Variants in ACYP2 observed in about 807,000 individuals in gnomAD.
ACYP2 encodes acylphosphatase-2.
Under a neutral mutation model 11.2 loss-of-function variants are expected in ACYP2, and 12 were observed. That is an observed-to-expected ratio of 1.08 (90% CI 0.69 to 1.74). The LOEUF is 1.74. Ranked by LOEUF, ACYP2 falls within the 40% of genes most tolerant of loss-of-function variation. The pLI, the probability that ACYP2 is intolerant of heterozygous loss-of-function variation, is 0.00. For synonymous variants in ACYP2, 43 were observed against 32.2 expected (o/e 1.33, Z -1.13); for missense variants, 134 against 101.9 (o/e 1.31, Z -1.35).
chr2:53,985,498 A>G (rs1281309741), intron 2 of ACYP2, among the ~76,000 whole-genome samples: 1 of 152,164 alleles, frequency 6.6e-6, no homozygotes, highest in Non-Finnish European at 1.5e-5. Context: ...ACGTATATAC[A>G]TATATGTTCT....
chr2:54,265,260 A>G (rs1687963861), intron 6 of ACYP2, among the ~76,000 whole-genome samples: 1 of 152,196 alleles, frequency 6.6e-6, no homozygotes, highest in Non-Finnish European at 1.5e-5. Flanking sequence ...GAAGGCAAGG[A>G]GGAGCAAGTC....
At chr2:54,185,052 G>C (rs1030343419) in intron 6 of ACYP2, among the ~76,000 whole-genome samples, 3 of 151,970 alleles carry the variant, frequency 2.0e-5, no homozygotes, top group African/African-American at 7.3e-5. Context: ...TCACCATCTT[G>C]GCCAGGCTGA....
At chr2:53,981,711 C>T (rs1216789565) in intron 2 of ACYP2, among the ~76,000 whole-genome samples, 3 of 152,050 alleles carry the variant, frequency 2.0e-5, no homozygotes, top group Non-Finnish European at 4.4e-5. Context: ...TGTGAATCAG[C>T]CTTAGGTTAC....
intron 6 of ACYP2, among the ~76,000 whole-genome samples, chr2:54,301,656 CACACGTGTTTGTATATGTATACATAT>C (rs1174376946): frequency 3.5e-4 from 53 of 152,192 alleles, no homozygotes; most frequent in African/African-American, 1.0e-3. Flanking sequence ...TGTATACATA[CACACGTGTTTGTATATGTATACATAT>C]ACACGTACAT....
At chr2:54,163,024 C>T (rs926973380) in intron 6 of ACYP2, among the ~76,000 whole-genome samples, 7 of 152,110 alleles carry the variant, frequency 4.6e-5, no homozygotes, top group African/African-American at 1.7e-4. Flanking sequence ...CACTTTTGCT[C>T]GTTTTGGATT....
At chr2:54,063,027 C>T (rs1048503788) in intron 4 of ACYP2, among the ~76,000 whole-genome samples, 4 of 152,148 alleles carry the variant, frequency 2.6e-5, no homozygotes, top group African/African-American at 7.2e-5. Flanking sequence ...TCAGGTACTA[C>T]GCTAGTTCCT....
At chr2:54,198,899 A>G (rs6760158) in intron 6 of ACYP2, among the ~76,000 whole-genome samples, 2,101 of 152,300 alleles carry the variant, frequency 0.014, 56 homozygotes, top group African/African-American at 0.047. Context: ...TTCCGTGCCC[A>G]TTCTACCAAC....
At chr2:54,244,820 A>G (rs940266660) in intron 6 of ACYP2, among the ~76,000 whole-genome samples, 1 of 152,204 alleles carries the variant, frequency 6.6e-6, no homozygotes, top group Admixed American at 6.5e-5. Context: ...AATATATACA[A>G]TGCTTAGTGA....
chr2:54,111,494 G>A (rs995882681), intron 4 of ACYP2, among the ~76,000 whole-genome samples: 1 of 89,242 alleles, frequency 1.1e-5, no homozygotes, highest in African/African-American at 6.1e-5. Flanking sequence ...AAGAAAAATT[G>A]GTTCAAACCT....
intron 4 of ACYP2, among the ~76,000 whole-genome samples, chr2:54,109,446 A>C (rs1006724537): frequency 6.6e-6 from 1 of 152,140 alleles, no homozygotes; most frequent in Non-Finnish European, 1.5e-5. Flanking sequence ...AAAAAACTGC[A>C]TATTGGGTAC....
At chr2:54,278,364 T>G (rs1404359667) in intron 6 of ACYP2, among the ~76,000 whole-genome samples, 1 of 152,210 alleles carries the variant, frequency 6.6e-6, no homozygotes, top group African/African-American at 2.4e-5. Context: ...TTTTGTTGAG[T>G]TGAATTTTAT....
intron 4 of ACYP2, among the ~76,000 whole-genome samples, chr2:54,070,509 T>C (rs1486124273): frequency 6.6e-6 from 1 of 152,128 alleles, no homozygotes; most frequent in Non-Finnish European, 1.5e-5. Context: ...TGTGCTTCTA[T>C]AGGTGAGATT....
chr2:54,017,398 G>A (rs890392967), intron 2 of ACYP2, among the ~76,000 whole-genome samples: 35 of 151,418 alleles, frequency 2.3e-4, no homozygotes, highest in Non-Finnish European at 4.6e-4. Flanking sequence ...GGGATTATAG[G>A]TGTGAACCAC....
chr2:54,158,024 A>G (rs949839422), intron 6 of ACYP2, among the ~76,000 whole-genome samples: 1 of 151,160 alleles, frequency 6.6e-6, no homozygotes, highest in Non-Finnish European at 1.5e-5. Flanking sequence ...TCTTTCTTTT[A>G]TTATTATTAT....
At chr2:54,078,420 T>C (rs1677462076) in intron 4 of ACYP2, among the ~76,000 whole-genome samples, 1 of 78,230 alleles carries the variant, frequency 1.3e-5, no homozygotes, top group Non-Finnish European at 2.7e-5. Context: ...CCATATATGG[T>C]ACGCATATAT....
chr2:54,302,870 A>T (rs564365679), intron 6 of ACYP2, among the ~76,000 whole-genome samples: 3 of 152,088 alleles, frequency 2.0e-5, no homozygotes, highest in Non-Finnish European at 4.4e-5. Context: ...CTTTTACTAT[A>T]CCTTCAAAAT....
chr2:54,191,269 C>T (rs1016526643), intron 6 of ACYP2, among the ~76,000 whole-genome samples: 2 of 152,196 alleles, frequency 1.3e-5, no homozygotes, highest in African/African-American at 4.8e-5. Context: ...CTGCTCTCCG[C>T]CGTACCATCC....
chr2:54,227,618 A>G (rs1014451224), intron 6 of ACYP2, among the ~76,000 whole-genome samples: 1 of 142,576 alleles, frequency 7.0e-6, no homozygotes, highest in Non-Finnish European at 1.6e-5. Flanking sequence ...GCAAGACTCC[A>G]TTTCAAAAAA....
intron 4 of ACYP2, 124 bp from the exon 1 acceptor site, chr2:54,115,491 C>G: frequency 7.1e-7 from 1 of 1,399,682 alleles, no homozygotes; most frequent in South Asian, 1.5e-5. Context: ...GGCCTCTTCC[C>G]TCCTGGCGTC....
Sources: allele counts gnomAD v4.1 joint callset (sites outside exome capture counted in the v4.1 genomes callset), GRCh38; gene constraint gnomAD v4.1.1; transcripts MANE v1.5; gene names NCBI Gene and HGNC (gene_info 2026-07-23, HGNC 2026-07-21).